ROBO2: variants seen among roughly 807,000 people sequenced by gnomAD.
ROBO2 encodes roundabout homolog 2.
A neutral mutation model predicts 160.8 loss-of-function variants in ROBO2; 53 were observed. That is an observed-to-expected ratio of 0.33 (90% CI 0.26 to 0.41). ROBO2 has a LOEUF of 0.41. Ranked by LOEUF, ROBO2 falls within the 10% of genes least tolerant of loss-of-function variation. The pLI is 1.00. For synonymous variants in ROBO2, 664 were observed against 611.7 expected (o/e 1.09, Z -1.26); for missense variants, 1,577 against 1,722.4 (o/e 0.92, Z 1.49).
chr3:76,430,861 A>C, intron 2 of ROBO2, among the ~76,000 whole-genome samples: 1 of 152,098 alleles, frequency 6.6e-6, no homozygotes, highest in Non-Finnish European at 1.5e-5. Context: ...ATGCTTAAAA[A>C]GTCTTAAAGG....
At chr3:76,798,289 AAAG>A (rs1219434163) in intron 2 of ROBO2, among the ~76,000 whole-genome samples, 1 of 150,892 alleles carries the variant, frequency 6.6e-6, no homozygotes, top group African/African-American at 2.4e-5. Context: ...AGAAAGAAAG[AAAG>A]AAAGAAAGAA....
intron 2 of ROBO2, among the ~76,000 whole-genome samples, chr3:76,449,449 T>A (rs566790997): frequency 1.5e-4 from 23 of 152,094 alleles, no homozygotes; most frequent in Non-Finnish European, 3.4e-4. Context: ...ATTTCATGCC[T>A]GAAATTTGCT....
chr3:77,614,739 AAC>A lies in ROBO2; in HGVS notation c.3294-2773_3294-2772del, dbSNP rs1334948093. 2.3e-3 allele frequency among the ~76,000 whole-genome samples: 353 copies of A among 151,824 alleles called. 5 individuals carry two copies. Among genetic ancestry groups the A allele is most frequent in the African/African-American group, 6.9e-3 (284 of 41,206 alleles). On this transcript the variant is annotated intron_variant, in intron 21 of 25. Coordinates refer to ENST00000461745, the Ensembl canonical transcript of ROBO2. ...CCCCCAAAAAACCAACCAACCAACC[AAC>A]CAACCAACCAACCAAACAAACAAAC...
chr3:76,372,035 T>C (rs2076128759), intron 2 of ROBO2, among the ~76,000 whole-genome samples: 1 of 151,874 alleles, frequency 6.6e-6, no homozygotes, highest in African/African-American at 2.4e-5. Context: ...GTTAAGTAAC[T>C]GGCATCAATT....
At chr3:76,747,694 G>A (rs2093916059) in intron 2 of ROBO2, among the ~76,000 whole-genome samples, 1 of 151,496 alleles carries the variant, frequency 6.6e-6, no homozygotes, top group Non-Finnish European at 1.5e-5. Flanking sequence ...TACTATTAAT[G>A]AGCTAAAACA....
At chr3:76,745,802 TA>T (rs1416259338) in intron 2 of ROBO2, among the ~76,000 whole-genome samples, 5 of 5,320 alleles carry the variant, frequency 9.4e-4, no homozygotes, top group South Asian at 6.3e-3. Context: ...AATTTATTTT[TA>T]TTTATTTATT....
chr3:77,327,742 GTA>G (rs1164329842), intron 2 of ROBO2, among the ~76,000 whole-genome samples: 1 of 152,030 alleles, frequency 6.6e-6, no homozygotes, highest in African/African-American at 2.4e-5. Context: ...TTAACTATCT[GTA>G]TTAAAAAACA....
At chr3:77,343,265 C>T (rs2067268301) in intron 2 of ROBO2, among the ~76,000 whole-genome samples, 2 of 152,130 alleles carry the variant, frequency 1.3e-5, no homozygotes, top group South Asian at 4.1e-4. Context: ...AATTGAGTTA[C>T]ATAAGCAGAA....
intron 2 of ROBO2, among the ~76,000 whole-genome samples, chr3:77,247,549 C>T (rs1227369913): frequency 6.6e-6 from 1 of 152,184 alleles, no homozygotes; most frequent in Non-Finnish European, 1.5e-5. Flanking sequence ...CAATTATTCT[C>T]TCACAAATAC....
chr3:76,084,033 A>G (rs2068925567), intron 2 of ROBO2, among the ~76,000 whole-genome samples: 1 of 152,134 alleles, frequency 6.6e-6, no homozygotes, highest in African/African-American at 2.4e-5. Flanking sequence ...GTGTTGGGGA[A>G]AAAAATCCAT....
chr3:77,548,156 T>TACAC (rs147388507), intron 7 of ROBO2, among the ~76,000 whole-genome samples: 8 of 147,284 alleles, frequency 5.4e-5, no homozygotes, highest in Admixed American at 1.4e-4. Context: ...TACATACACA[T>TACAC]ACACACACAC....
intron 6 of ROBO2, among the ~76,000 whole-genome samples, chr3:77,536,193 C>T (rs2092085935): frequency 6.6e-6 from 1 of 152,122 alleles, no homozygotes; most frequent in African/African-American, 2.4e-5. Context: ...TAAACTGACT[C>T]AAGGAGCACA....
chr3:77,319,317 C>T (rs1581027460), intron 2 of ROBO2, among the ~76,000 whole-genome samples: 1 of 152,194 alleles, frequency 6.6e-6, no homozygotes, highest in East Asian at 1.9e-4. Flanking sequence ...TTAATGTCTC[C>T]CTTGCCCAGA....
At chr3:76,543,744 C>T (rs933176398) in intron 2 of ROBO2, among the ~76,000 whole-genome samples, 2 of 152,016 alleles carry the variant, frequency 1.3e-5, no homozygotes, top group Admixed American at 1.3e-4. Context: ...TCACCAGCGT[C>T]ATTATTAAAT....
chr3:77,059,732 G>A (rs569443629), intron 1 of ROBO2, among the ~76,000 whole-genome samples: 3 of 151,932 alleles, frequency 2.0e-5, no homozygotes, highest in Non-Finnish European at 4.4e-5. Flanking sequence ...CCAAAGTTTG[G>A]GCATAAGCAT....
At chr3:76,969,146 G>T (rs2059448058) in intron 2 of ROBO2, among the ~76,000 whole-genome samples, 1 of 152,156 alleles carries the variant, frequency 6.6e-6, no homozygotes, top group East Asian at 1.9e-4. Flanking sequence ...GACAACAAGT[G>T]AAAGTGGCAG....
chr3:76,812,211 G>A (rs550111879), intron 2 of ROBO2, among the ~76,000 whole-genome samples: 4 of 151,656 alleles, frequency 2.6e-5, no homozygotes, highest in Non-Finnish European at 5.9e-5. Flanking sequence ...AATTCCAGGT[G>A]ATGTCCTTCC....
chr3:76,523,510 TCAGC>T (rs1242214901), intron 2 of ROBO2, among the ~76,000 whole-genome samples: 3 of 152,184 alleles, frequency 2.0e-5, no homozygotes, highest in East Asian at 3.9e-4. Context: ...AGAGTTAGTG[TCAGC>T]CACCTGCCAT....
intron 2 of ROBO2, among the ~76,000 whole-genome samples, chr3:76,911,967 C>CA (rs35989086): frequency 0.018 from 2,661 of 145,870 alleles, 49 homozygotes; most frequent in African/African-American, 0.059. Flanking sequence ...GACCCTGTCT[C>CA]AAAAAAAAAA....
Sources: allele counts gnomAD v4.1 joint callset (sites outside exome capture counted in the v4.1 genomes callset), GRCh38; gene constraint gnomAD v4.1.1; transcripts MANE v1.5; gene names NCBI Gene and HGNC (gene_info 2026-07-23, HGNC 2026-07-21).